PRKCE: variants seen among roughly 807,000 people sequenced by gnomAD.
PRKCE encodes protein kinase C epsilon type.
Under a neutral mutation model 85.4 loss-of-function variants are expected in PRKCE, and 16 were observed. The ratio of observed to expected loss-of-function variants is 0.19; its 90% CI spans 0.13 to 0.28. PRKCE has a LOEUF of 0.28. PRKCE is among the 10% of genes least tolerant of loss of function. The pLI is 1.00. For synonymous variants in PRKCE, 388 were observed against 371.5 expected, an observed-to-expected ratio of 1.04 and a Z score of -0.51; for missense variants, 573 against 975.2, an observed-to-expected ratio of 0.59 and a Z score of 5.49.
At chr2:45,826,289 G>C (rs1010891395) in intron 1 of PRKCE, among the ~76,000 whole-genome samples, 1 of 152,182 alleles carries the variant, frequency 6.6e-6, no homozygotes, top group Non-Finnish European at 1.5e-5. Flanking sequence ...GGGAATTTTA[G>C]AAGGTTAATA....
At chr2:46,156,439 T>C (rs1215694364) in intron 13 of PRKCE, among the ~76,000 whole-genome samples, 1 of 152,188 alleles carries the variant, frequency 6.6e-6, no homozygotes, top group Non-Finnish European at 1.5e-5. Context: ...CCTTTACTCT[T>C]CTACATGCCC....
intron 10 of PRKCE, among the ~76,000 whole-genome samples, chr2:46,033,628 C>A (rs1055662673): frequency 5.3e-5 from 8 of 152,210 alleles, no homozygotes; most frequent in African/African-American, 1.9e-4. Flanking sequence ...ACTTTAGAAT[C>A]AATCAGCAAA....
chr2:46,073,229 C>T (rs994729677), intron 10 of PRKCE, among the ~76,000 whole-genome samples: 6 of 152,158 alleles, frequency 3.9e-5, no homozygotes, highest in South Asian at 4.1e-4. Context: ...CAAGGCAGCA[C>T]GGGTCCGATG....
intron 1 of PRKCE, among the ~76,000 whole-genome samples, chr2:45,744,167 T>C (rs978651562): frequency 4.6e-5 from 7 of 152,164 alleles, no homozygotes; most frequent in African/African-American, 1.4e-4. Flanking sequence ...ACCAACCCTG[T>C]TGTTTGTCAT....
chr2:46,155,885 T>C lies in PRKCE; in HGVS notation c.1921-3721T>C, dbSNP rs1274029066. 1.3e-5 allele frequency among the ~76,000 whole-genome samples: 2 copies of C among 152,098 alleles called. No individual in the cohort carries two copies. Among genetic ancestry groups the C allele is most frequent in the South Asian group, 2.1e-4 (1 of 4,818 alleles). The stretch of plus-strand genomic sequence containing the variant: ...ACGGGCAGCCCTTCTTGTGTCCTTC[T>C]CATCTCTGTACGTCTATCAGAGTGA... On this transcript the variant is annotated intron_variant, in intron 13 of 14. Transcript: ENST00000306156. This position sits in a 1 kb window ranked among gnomAD's most constrained non-coding sequence, Gnocchi z 4.7.
intron 1 of PRKCE, among the ~76,000 whole-genome samples, chr2:45,665,710 A>G (rs540716788): frequency 2.0e-5 from 3 of 152,310 alleles, no homozygotes; most frequent in African/African-American, 7.2e-5. Context: ...TTTTTTTTCT[A>G]TAGATATGTC....
intron 1 of PRKCE, among the ~76,000 whole-genome samples, chr2:45,814,001 T>C (rs1376034474): frequency 6.6e-6 from 1 of 152,142 alleles, no homozygotes; most frequent in Non-Finnish European, 1.5e-5. Flanking sequence ...AAATTGACCT[T>C]ACCAAGGTGG....
At chr2:45,900,741 T>A (rs1167318031) in intron 2 of PRKCE, among the ~76,000 whole-genome samples, 1 of 152,254 alleles carries the variant, frequency 6.6e-6, no homozygotes, top group Non-Finnish European at 1.5e-5. Context: ...ATGAATTATA[T>A]ACTTAAAATT....
At chr2:46,018,058 A>G (rs889133320) in intron 10 of PRKCE, among the ~76,000 whole-genome samples, 2 of 152,224 alleles carry the variant, frequency 1.3e-5, no homozygotes, top group South Asian at 2.1e-4. Flanking sequence ...CATGAACTCA[A>G]TGAGGCTGGG....
chr2:45,796,194 T>G (rs1687421911), intron 1 of PRKCE, among the ~76,000 whole-genome samples: 1 of 152,190 alleles, frequency 6.6e-6, no homozygotes, highest in African/African-American at 2.4e-5. Context: ...AGTTGTCTTA[T>G]TCTAGGCTGA....
At chr2:45,981,635 G>C (rs1241209612) in intron 5 of PRKCE, among the ~76,000 whole-genome samples, 1 of 152,216 alleles carries the variant, frequency 6.6e-6, no homozygotes, top group East Asian at 1.9e-4. Flanking sequence ...CCGACTCCTG[G>C]TCTAGGATCA....
At chr2:45,886,914 C>A (rs187827172) in intron 2 of PRKCE, among the ~76,000 whole-genome samples, 266 of 152,256 alleles carry the variant, frequency 1.7e-3, no homozygotes, top group African/African-American at 5.8e-3. Flanking sequence ...TTTCCAAAGA[C>A]CTTTCGGGTC....
chr2:46,077,436 GA>G (rs1443421580), intron 10 of PRKCE, among the ~76,000 whole-genome samples: 2 of 152,212 alleles, frequency 1.3e-5, no homozygotes, highest in Admixed American at 1.3e-4. Context: ...AAAGGAAAAA[GA>G]AAAGAACTAA....
chr2:45,839,648 A>G (rs980388630), intron 1 of PRKCE, among the ~76,000 whole-genome samples: 18 of 152,198 alleles, frequency 1.2e-4, no homozygotes, highest in Non-Finnish European at 5.9e-5. Flanking sequence ...CTTACATTGC[A>G]TCATTATCTG....
At chr2:45,782,400 C>T (rs1332522298) in intron 1 of PRKCE, among the ~76,000 whole-genome samples, 3 of 152,154 alleles carry the variant, frequency 2.0e-5, no homozygotes, top group African/African-American at 7.2e-5. Flanking sequence ...TTGGGTTAGT[C>T]ACTTCGATTC....
chr2:45,874,068 T>C (rs920295789), intron 2 of PRKCE, among the ~76,000 whole-genome samples: 2 of 152,182 alleles, frequency 1.3e-5, no homozygotes, highest in African/African-American at 2.4e-5. Context: ...TTAGATGATA[T>C]AGTGCTGTAA....
At chr2:46,044,682 A>G (rs1708412691) in intron 10 of PRKCE, among the ~76,000 whole-genome samples, 1 of 152,200 alleles carries the variant, frequency 6.6e-6, no homozygotes, top group African/African-American at 2.4e-5. Context: ...AACAGTAGGA[A>G]TGCTGTGAGG....
chr2:45,816,209 G>C (rs1264176516), intron 1 of PRKCE, among the ~76,000 whole-genome samples: 1 of 152,182 alleles, frequency 6.6e-6, no homozygotes, highest in Admixed American at 6.5e-5. Context: ...TTCCCAGTGA[G>C]AGTGATTTCA....
intron 11 of PRKCE, among the ~76,000 whole-genome samples, chr2:46,125,774 T>C (rs893746469): frequency 6.6e-6 from 1 of 152,232 alleles, no homozygotes; most frequent in African/African-American, 2.4e-5. Context: ...GTTCTGCCTA[T>C]GACAATGAGT....
Sources: allele counts gnomAD v4.1 joint callset (sites outside exome capture counted in the v4.1 genomes callset), GRCh38; gene constraint gnomAD v4.1.1; non-coding constraint Gnocchi (gnomAD v3.1); transcripts MANE v1.5; gene names NCBI Gene and HGNC (gene_info 2026-07-23, HGNC 2026-07-21).